Variants in FAM171A1 observed in about 807,000 individuals in gnomAD.
FAM171A1 encodes family with sequence similarity 171 member A1.
FAM171A1 carries 23 observed loss-of-function variants against 74.9 expected under a neutral mutation model. The observed-to-expected ratio is 0.31, with a 90% CI of 0.22 to 0.44. FAM171A1 has a LOEUF of 0.44. Among genes scored for constraint, FAM171A1 ranks in the 20% least tolerant of loss-of-function variants. FAM171A1 has a pLI of 1.00. For missense variants in FAM171A1, 1,162 were observed against 1,159.2 expected (o/e 1.00, Z -0.03); for synonymous variants, 527 against 505.7 (o/e 1.04, Z -0.57).
intron 3 of FAM171A1, among the ~76,000 whole-genome samples, chr10:15,267,594 A>T: frequency 7.9e-6 from 1 of 125,972 alleles, no homozygotes. Context: ...AGAGCGAGAC[A>T]CCATCGCAAA....
chr10:15,360,234 C>T (rs1166451423), intron 1 of FAM171A1, among the ~76,000 whole-genome samples: 2 of 152,084 alleles, frequency 1.3e-5, no homozygotes, highest in African/African-American at 2.4e-5. Flanking sequence ...CACCTGGGCC[C>T]GATGCTTTGC....
chr10:15,283,212 G>A (rs1462860890), intron 2 of FAM171A1, among the ~76,000 whole-genome samples: 1 of 152,102 alleles, frequency 6.6e-6, no homozygotes, highest in African/African-American at 2.4e-5. Context: ...AGGAAAACGT[G>A]GTGTGGCCAG....
At position 15,254,789 on chromosome 10, in the gene FAM171A1, G is replaced by A. The variant is rs1355728906; in HGVS notation, c.509C>T (p.Thr170Met). ...CACCTCCGAAGGGGAGCTGGCGGCCGTGAGAAACGCGGTCAGGTCACTGTA... is the reference window on the plus strand; with the variant it reads ...CACCTCCGAAGGGGAGCTGGCGGCCATGAGAAACGCGGTCAGGTCACTGTA... Reference protein sequence around the residue: ...TSYSDLTAFLTAASSPSEVDS... With the variant: ...TSYSDLTAFLMAASSPSEVDS... Residue 170 changes from threonine (T) to methionine (M), a missense_variant, in exon 4 of 8, where the codon ACG (threonine) becomes ATG (methionine). Coordinates refer to ENST00000378116, the MANE Select transcript of FAM171A1 (RefSeq NM_001010924.2). The A allele has an allele frequency of 9.3e-6, 15 of 1,614,068 alleles. No individual in the cohort carries two copies. In the Admixed American group the frequency reaches 1.5e-4, roughly 16 times the overall value.
rs144601840 is a variant in FAM171A1 at position 15,213,596 on chromosome 10, C to T, written c.1992G>A (p.Ser664=). The T allele has an allele frequency of 5.0e-6, 8 of 1,614,022 alleles. No homozygotes were observed. Among genetic ancestry groups the T allele is most frequent in the African/African-American group, 2.7e-5 (2 of 74,914 alleles). ...GGGAAGCTGGGATGGAGAGAGACTC[C>T]GACATGGATGCGTTCTGAGGGCTCC... The part of the protein sequence containing the change: ...REWSPQNASM[S]ESLSIPASLN... Residue 664 remains serine, a synonymous_variant, in exon 8 of 8, where the codon TCG becomes TCA. Transcript: ENST00000378116. This position sits in a 1 kb window ranked among gnomAD's most constrained non-coding sequence, Gnocchi z 6.8.
In FAM171A1 at chr10:15,268,676, G is replaced by A. The variant is rs372798139; in HGVS notation, c.418+7179C>T. Among the ~76,000 whole-genome samples, 86 of 152,254 alleles carry A rather than the reference G, an allele frequency of 5.6e-4. No homozygotes were observed. In the South Asian group the frequency reaches 6.8e-3, roughly 12 times the overall value. On this transcript the variant is annotated intron_variant, in intron 3 of 7. Transcript: ENST00000378116. ...TGGAAGCCAGAGGCCTAGATGAGAT[G>A]TTTAGGACCAGAAAGAAGAAATGTG...
Position 15,342,440 on chromosome 10 carries a change from C to T in FAM171A1, c.97+28516G>A, listed in dbSNP as rs200831021. On this transcript the variant is annotated intron_variant, in intron 1 of 7. Transcript: ENST00000378116. ...AAAAAATTAGCTGGGTGTGGTAGCGCTCCTGTAGTCTCAGCTACTTGGGAG... is the reference window on the plus strand; with the variant it reads ...AAAAAATTAGCTGGGTGTGGTAGCGTTCCTGTAGTCTCAGCTACTTGGGAG... Among the ~76,000 whole-genome samples, 123 of 152,178 alleles carry T rather than the reference C, an allele frequency of 8.1e-4. 1 individual carries two copies. In the East Asian group the frequency reaches 0.019, roughly 23 times the overall value.
intron 3 of FAM171A1, among the ~76,000 whole-genome samples, chr10:15,272,099 TA>T (rs796598408): frequency 3.3e-5 from 5 of 152,210 alleles, no homozygotes; most frequent in African/African-American, 9.6e-5. Flanking sequence ...GCACATTGGA[TA>T]AACAGTCAAG....
intron 1 of FAM171A1, among the ~76,000 whole-genome samples, chr10:15,318,208 G>A (rs1835445197): frequency 6.6e-6 from 1 of 152,194 alleles, no homozygotes. Flanking sequence ...ATGAGATACG[G>A]TGTAAGGAAG....
chr10:15,355,657 G>A (rs1835923922), intron 1 of FAM171A1, among the ~76,000 whole-genome samples: 1 of 152,104 alleles, frequency 6.6e-6, no homozygotes, highest in Non-Finnish European at 1.5e-5. Context: ...GGAGGTTGCA[G>A]TGAGCCAAGA....
rs184424323 is a variant in FAM171A1 at position 15,274,286 on chromosome 10, T to C, written c.418+1569A>G. Among the ~76,000 whole-genome samples, 662 of 152,236 alleles carry C rather than the reference T, an allele frequency of 4.3e-3. 2 individuals are homozygous for C. Among genetic ancestry groups the C allele is most frequent in the Non-Finnish European group, 6.9e-3 (468 of 68,010 alleles). On this transcript the variant is annotated intron_variant, in intron 3 of 7. Transcript: ENST00000378116. ...ATCATGAGTGAACTCCCATTCACAA[T>C]TGCTACAAAGAGAATAAAATACCTA...
chr10:15,317,583 C>T (rs1421613115), intron 1 of FAM171A1, among the ~76,000 whole-genome samples: 1 of 151,320 alleles, frequency 6.6e-6, no homozygotes, highest in Non-Finnish European at 1.5e-5. Flanking sequence ...TTAGTAGAGA[C>T]GTGGTTTCAC....
chr10:15,284,209 C>T (rs1835008352), intron 1 of FAM171A1, 104 bp from the exon 2 acceptor site: 1 of 1,022,874 alleles, frequency 9.8e-7, no homozygotes, highest in Non-Finnish European at 1.4e-6. Flanking sequence ...TCTGTAAGGA[C>T]ATCAAGGTTG....
chr10:15,305,984 T>C (rs1377994198), intron 1 of FAM171A1, among the ~76,000 whole-genome samples: 1 of 152,214 alleles, frequency 6.6e-6, no homozygotes, highest in Non-Finnish European at 1.5e-5. Flanking sequence ...TTAGTGGAAC[T>C]GCTCTCAAAA....
intron 1 of FAM171A1, among the ~76,000 whole-genome samples, chr10:15,364,706 C>T (rs529881917): frequency 3.3e-5 from 5 of 152,322 alleles, no homozygotes; most frequent in African/African-American, 1.2e-4. Flanking sequence ...GCCTGCATTC[C>T]TTCTGGAGGC....
chr10:15,247,517 C>T (rs1230767582), intron 5 of FAM171A1, among the ~76,000 whole-genome samples: 1 of 152,154 alleles, frequency 6.6e-6, no homozygotes, highest in Non-Finnish European at 1.5e-5. Flanking sequence ...CAAGTGACCC[C>T]TGCCTCCTGG....
intron 1 of FAM171A1, among the ~76,000 whole-genome samples, chr10:15,328,446 CTGT>C (rs374681771): frequency 5.3e-5 from 8 of 152,324 alleles, no homozygotes; most frequent in Non-Finnish European, 7.3e-5. Context: ...GGCGCCTGGC[CTGT>C]TGTTGTTTTA....
At chr10:15,226,469 G>C (rs1199636624) in intron 5 of FAM171A1, among the ~76,000 whole-genome samples, 1 of 152,114 alleles carries the variant, frequency 6.6e-6, no homozygotes, top group Non-Finnish European at 1.5e-5. Flanking sequence ...ACAGATAAAA[G>C]GTAAGCTTCC....
chr10:15,312,555 T>C (rs1835372303), intron 1 of FAM171A1, among the ~76,000 whole-genome samples: 1 of 151,844 alleles, frequency 6.6e-6, no homozygotes, highest in Admixed American at 6.6e-5. Context: ...CCCAGGGCTG[T>C]GCAGCTCAGA....
chr10:15,341,876 C>T (rs1031555142), intron 1 of FAM171A1, among the ~76,000 whole-genome samples: 44 of 152,292 alleles, frequency 2.9e-4, no homozygotes, highest in Middle Eastern at 3.4e-3. Context: ...TCATGAAGGT[C>T]GACTTCCTTC....
Sources: allele counts gnomAD v4.1 joint callset (sites outside exome capture counted in the v4.1 genomes callset), GRCh38; gene constraint gnomAD v4.1.1; non-coding constraint Gnocchi (gnomAD v3.1); transcripts MANE v1.5; gene names NCBI Gene and HGNC (gene_info 2026-07-23, HGNC 2026-07-21).